DYNC1H1: variants seen among roughly 807,000 people sequenced by gnomAD.
DYNC1H1 encodes cytoplasmic dynein 1 heavy chain 1.
A neutral mutation model predicts 527.1 loss-of-function variants in DYNC1H1; 51 were observed. That is an observed-to-expected ratio of 0.10 (90% confidence interval 0.08 to 0.12). DYNC1H1 has a LOEUF of 0.12. Among genes scored for constraint, DYNC1H1 ranks in the 10% least tolerant of loss-of-function variants. The pLI is 1.00. For synonymous variants in DYNC1H1, 2,189 were observed against 2,278.8 expected (o/e 0.96, Z 1.12); for missense variants, 2,771 against 5,971.8 (o/e 0.46, Z 17.66).
rs181442270 is a variant in DYNC1H1 at position 101,983,956 on chromosome 14, C to T, written c.1461+347C>T. On this transcript the variant is annotated intron_variant, in intron 7 of 77. Transcript: ENST00000360184. This position sits in a 1 kb window ranked among gnomAD's most constrained non-coding sequence, Gnocchi z 5.3. Reference sequence around the variant, plus strand: ...CCTCCCAAAGTGCCGGGATTATAGACGTGAGACAGCATGCCCAGCCTGTTT... The same window carrying T: ...CCTCCCAAAGTGCCGGGATTATAGATGTGAGACAGCATGCCCAGCCTGTTT... Among the ~76,000 whole-genome samples the T allele has an allele frequency of 8.5e-4, 129 of 152,096 alleles. 1 individual carries two copies. Among genetic ancestry groups the T allele is most frequent in the African/African-American group, 1.2e-4 (5 of 41,458 alleles).
At chr14:101,969,563 G>GC (rs2047707217) in intron 1 of DYNC1H1, 1 of 155,436 alleles carries the variant, frequency 6.4e-6, no homozygotes, top group African/African-American at 2.4e-5. Flanking sequence ...CAAAGAGGGA[G>GC]ATCAGACTCA....
rs1158486712 is a variant in DYNC1H1, at chr14:102,010,354, A to T, written c.6300A>T (p.Ala2100=). The change falls in exon 31 of 78, where the codon GCA becomes GCT. Residue 2100 remains alanine, a synonymous_variant. Transcript: ENST00000360184. This position sits in a 1 kb window ranked among gnomAD's most constrained non-coding sequence, Gnocchi z 6.0. ...LRALKSVLVS[A]GNVKRERIQK... ...CTTTGAAGAGTGTGCTGGTGAGTGC[A>T]GGCAATGTGAAGAGAGAGAGAATCC... The T allele has an allele frequency of 6.2e-7, 1 of 1,614,140 alleles. No individual in the cohort carries two copies. The highest frequency in any genetic ancestry group is 1.7e-5 in the Admixed American group (1 of 60,024).
chr14:102,045,914 C>T (rs1449319447), intron 72 of DYNC1H1, among the ~76,000 whole-genome samples: 1 of 152,070 alleles, frequency 6.6e-6, no homozygotes, highest in African/African-American at 2.4e-5. Context: ...AGCCTGTAAT[C>T]CCAGCACTTT....
chr14:102,006,898 C>A, intron 27 of DYNC1H1, 110 bp from the exon 28 acceptor site: 1 of 1,193,568 alleles, frequency 8.4e-7, no homozygotes, highest in Non-Finnish European at 1.2e-6. Context: ...CCCTACCTGG[C>A]CACTACTTGG....
At chr14:102,046,301 ATC>A (rs1284717209) in intron 72 of DYNC1H1, among the ~76,000 whole-genome samples, 4 of 152,244 alleles carry the variant, frequency 2.6e-5, no homozygotes, top group African/African-American at 9.6e-5. Flanking sequence ...AGCTGATCAA[ATC>A]TCAACTTTTT....
Position 102,044,203 on chromosome 14 carries a change from G to A in DYNC1H1, c.12685-71G>A. On this transcript the variant is annotated intron_variant, in intron 70 of 77. Coordinates refer to ENST00000360184, the MANE Select transcript of DYNC1H1 (RefSeq NM_001376.5). The surrounding 1 kb of genome is among the most constrained non-coding windows in gnomAD (Gnocchi z 7.1). ...CATGGGGAGTGAGGAGGAAAGCTGT[G>A]CCCCTCGAAAGGAAGCCCCGGGCCT... is the stretch of plus-strand genomic sequence containing the variant. 2 of 1,596,476 alleles carry A rather than the reference G, an allele frequency of 1.3e-6. No homozygotes were observed. Among genetic ancestry groups the A allele is most frequent in the East Asian group, 2.2e-5 (1 of 44,530 alleles).
At chr14:101,975,880 G>T in intron 2 of DYNC1H1, 81 bp downstream of exon 2, 2 of 1,106,360 alleles carry the variant, frequency 1.8e-6, no homozygotes, top group Non-Finnish European at 2.7e-6. Context: ...TTCAAACTCA[G>T]AAATTCTTAC....
chr14:102,043,670 A>G (rs2048680106), intron 69 of DYNC1H1: 2 of 643,382 alleles, frequency 3.1e-6, no homozygotes, highest in Non-Finnish European at 5.4e-6. Context: ...CTGGCTGAAT[A>G]AATTCTGATG....
intron 57 of DYNC1H1, chr14:102,037,356 G>A (rs1457997531): frequency 6.6e-6 from 1 of 151,332 alleles, no homozygotes. Flanking sequence ...CCTGGGAGGC[G>A]GAGGCTGTAG....
At position 102,039,016 on chromosome 14, in the gene DYNC1H1, G is replaced by A. The variant is rs2152594938; in HGVS notation, c.11222G>A (p.Arg3741His). The A allele has an allele frequency of 6.2e-7, 1 of 1,614,096 alleles. No homozygotes were observed. Among genetic ancestry groups the A allele is most frequent in the Non-Finnish European group, 8.5e-7 (1 of 1,180,036 alleles). The change falls in exon 60 of 78, where the codon CGT becomes CAT. Residue 3741 changes from arginine (R) to histidine (H), a missense_variant. Around this residue, in one of 32 missense-constraint regions of DYNC1H1, gnomAD observed 283 missense variants for 737.6 expected, o/e 0.38. Transcript: ENST00000360184. The surrounding 1 kb of genome is among the most constrained non-coding windows in gnomAD (Gnocchi z 7.0). ...LLKLQGEFQL[R>H]LRQLEKSLLQ... ...TTCATTTAAGGGGAATTTCAGCTCC[G>A]TTTGCGTCAGCTGGAAAAATCTCTA...
rs751439366 is a variant in DYNC1H1 at position 102,050,463 on chromosome 14, C to G, written c.13841C>G (p.Thr4614Ser). 26 of 1,614,236 alleles carry G rather than the reference C, an allele frequency of 1.6e-5. No homozygotes were observed. The highest frequency in any genetic ancestry group is 2.2e-5 in the Non-Finnish European group (26 of 1,180,052). The change falls in exon 78 of 78, where the codon ACC (threonine) becomes AGC (serine). Residue 4614 changes from threonine to serine, a missense_variant. Around this residue, in one of 32 missense-constraint regions of DYNC1H1, gnomAD observed 106 missense variants for 139.2 expected, o/e 0.76. Coordinates refer to ENST00000360184, the MANE Select transcript of DYNC1H1 (RefSeq NM_001376.5). ...VVTLPVYLNF[T>S]RADLIFTVDF... Reference sequence around the variant, plus strand: ...ACCTTACCTGTCTACCTGAACTTCACCCGTGCAGACCTCATCTTCACCGTG... The same window carrying G: ...ACCTTACCTGTCTACCTGAACTTCAGCCGTGCAGACCTCATCTTCACCGTG...
intron 1 of DYNC1H1, among the ~76,000 whole-genome samples, chr14:101,967,236 A>T (rs1454869362): frequency 6.6e-6 from 1 of 152,228 alleles, no homozygotes; most frequent in Non-Finnish European, 1.5e-5. Flanking sequence ...TTTATGAGTT[A>T]GCTTTGGCAT....
intron 11 of DYNC1H1, 144 bp downstream of exon 11, chr14:101,991,817 T>A: frequency 8.1e-7 from 1 of 1,232,220 alleles, no homozygotes; most frequent in Non-Finnish European, 1.1e-6. Context: ...TTAGGGAGGC[T>A]TTTTGTGCCC....
chr14:102,033,563 A>G lies in DYNC1H1; in HGVS notation c.10413+79A>G. On this transcript the variant is annotated intron_variant, in intron 54 of 77. Transcript: ENST00000360184. The surrounding 1 kb of genome is among the most constrained non-coding windows in gnomAD (Gnocchi z 5.6). ...ACACACTTCAACATGCGCTGCATGC[A>G]CCATGCTGGCCTCGGTGAATTCGCT... 1 of 1,560,256 alleles carries G rather than the reference A, an allele frequency of 6.4e-7. No individual in the cohort carries two copies. The highest frequency in any genetic ancestry group is 1.1e-5 in the South Asian group (1 of 87,628).
chr14:102,008,157 C>A (rs1378798206), intron 28 of DYNC1H1, 21 bp from the exon 29 acceptor site: 3 of 1,613,436 alleles, frequency 1.9e-6, no homozygotes, highest in Non-Finnish European at 2.5e-6. Context: ...GTTTTAGCGC[C>A]TTTCTTCCTC....
chr14:102,033,938 G>A lies in DYNC1H1; in HGVS notation c.10414-38G>A, dbSNP rs1372969031. On this transcript the variant is annotated intron_variant, in intron 54 of 77. Coordinates refer to ENST00000360184, the MANE Select transcript of DYNC1H1 (RefSeq NM_001376.5). The surrounding 1 kb of genome is among the most constrained non-coding windows in gnomAD (Gnocchi z 5.6). ...CAGGATTCGGTATAAATCCTGAAAG[G>A]CCTCATCCCTGAGCATCTTGTTCGG... is the stretch of plus-strand genomic sequence containing the variant. The A allele has an allele frequency of 1.9e-6, 3 of 1,606,820 alleles. No individual in the cohort carries two copies. Among genetic ancestry groups the A allele is most frequent in the East Asian group, 2.2e-5 (1 of 44,866 alleles).
intron 15 of DYNC1H1, among the ~76,000 whole-genome samples, chr14:101,996,120 C>A (rs1595606126): frequency 6.7e-6 from 1 of 150,282 alleles, no homozygotes; most frequent in South Asian, 2.1e-4. Context: ...CTAGGTTTTT[C>A]TTTTCTTTTC....
At position 101,997,115 on chromosome 14, in the gene DYNC1H1, G is replaced by A. The variant is rs757568646; in HGVS notation, c.3645G>A (p.Glu1215=). 1 of 1,614,218 alleles carries A rather than the reference G, an allele frequency of 6.2e-7. No individual in the cohort carries two copies. Among genetic ancestry groups the A allele is most frequent in the African/African-American group, 1.3e-5 (1 of 75,054 alleles). Residue 1215 remains glutamate, a synonymous_variant, in exon 16 of 78, where the codon GAG becomes GAA. Coordinates refer to ENST00000360184, the MANE Select transcript of DYNC1H1 (RefSeq NM_001376.5). This position sits in a 1 kb window ranked among gnomAD's most constrained non-coding sequence, Gnocchi z 4.8. ...PPSWLYIDNI[E]GEWGAFNDIM... ...CCTGGCTTTATATTGACAACATCGAGGGAGAGTGGGGAGCCTTCAATGACA... is the reference window on the plus strand; with the variant it reads ...CCTGGCTTTATATTGACAACATCGAAGGAGAGTGGGGAGCCTTCAATGACA...
chr14:102,047,598 T>A (rs568153115), intron 72 of DYNC1H1: 1 of 374,928 alleles, frequency 2.7e-6, no homozygotes, highest in Non-Finnish European at 4.7e-6. Flanking sequence ...TATATATATA[T>A]ACACATATAT....
Sources: allele counts gnomAD v4.1 joint callset (sites outside exome capture counted in the v4.1 genomes callset), GRCh38; gene constraint gnomAD v4.1.1; regional missense constraint gnomAD v4.1.1; non-coding constraint Gnocchi (gnomAD v3.1); transcripts MANE v1.5; gene names NCBI Gene and HGNC (gene_info 2026-07-23, HGNC 2026-07-21).